Variants in CFAP53 observed in about 807,000 individuals in gnomAD.
CFAP53 encodes cilia- and flagella-associated protein 53.
CFAP53 carries 62 observed loss-of-function variants against 59.7 expected under a neutral mutation model. The observed-to-expected ratio is 1.04, with a 90% CI of 0.85 to 1.28. The LOEUF is 1.28. Ranked by LOEUF, CFAP53 falls within the 50% of genes most tolerant of loss-of-function variation. The probability of loss-of-function intolerance (pLI) is 0.00; values close to 1 mark genes in which losing one functional copy is unlikely to be tolerated. For missense variants in CFAP53, 629 were observed against 615.6 expected (o/e 1.02, Z -0.23); for synonymous variants, 218 against 205.7 (o/e 1.06, Z -0.51).
rs1347473154 is a variant in CFAP53, at chr18:50,250,799, G to A, written c.955C>T (p.Gln319Ter). 3.7e-6 allele frequency: 6 copies of A among 1,614,008 alleles called. No individual in the cohort carries two copies. In the African/African-American group the frequency reaches 8.0e-5, roughly 22 times the overall value. The change falls in exon 5 of 8, where the codon CAA becomes TAA. Residue 319 changes from glutamine (Q) to a stop codon, truncating the protein, a stop_gained. Transcript: ENST00000398545. LOFTEE classifies it high-confidence loss of function. ...LNMKLVQRAL[Q>*]DLQEEADKKK... ...TTATCTGCCTCTTCCTGTAAGTCTT[G>A]AAGGGCCCTTTGCACGAGCTTCATG... is the stretch of plus-strand genomic sequence containing the variant.
rs2033641968 is a variant in CFAP53 at position 50,237,189 on chromosome 18, C to T, written c.1316+1414G>A. 2.1e-5 allele frequency among the ~76,000 whole-genome samples: 3 copies of T among 145,214 alleles called. No homozygotes were observed. In the South Asian group the frequency reaches 6.8e-4, roughly 33 times the overall value. ...GGCATGGTGGTGCATGCCTGTAATCCTAGGTATTTGAGTGGCTGAGGCAGA... is the reference window on the plus strand; with the variant it reads ...GGCATGGTGGTGCATGCCTGTAATCTTAGGTATTTGAGTGGCTGAGGCAGA... On this transcript the variant is annotated intron_variant, in intron 7 of 7. Transcript: ENST00000398545.
chr18:50,266,219 G>GGGTGT (rs2033969834), intron 1 of CFAP53, 117 bp downstream of exon 1: 1 of 908,540 alleles, frequency 1.1e-6, no homozygotes, highest in Non-Finnish European at 1.8e-6. Context: ...ACTGCATCAG[G>GGGTGT]CGACACCCGT....
At position 50,251,576 on chromosome 18, in the gene CFAP53, CCAT is replaced by C; in HGVS notation, c.679_681del (p.Met227del). On this transcript the variant is annotated inframe_deletion, in exon 4 of 8. Transcript: ENST00000398545. Reference sequence around the variant, plus strand: ...GCATTCAGCCCCAGGCGTGTGTTCTCCATCAGCTCTTTCTGTCTCCTCGCCTCT... The same window carrying C: ...GCATTCAGCCCCAGGCGTGTGTTCTCCAGCTCTTTCTGTCTCCTCGCCTCT... The C allele has an allele frequency of 6.2e-7, 1 of 1,614,242 alleles. No homozygotes were observed. The highest frequency in any genetic ancestry group is 1.1e-5 in the South Asian group (1 of 91,090).
chr18:50,242,464 A>G (rs1350951645), intron 6 of CFAP53, among the ~76,000 whole-genome samples: 1 of 152,238 alleles, frequency 6.6e-6, no homozygotes, highest in Non-Finnish European at 1.5e-5. Context: ...GAAGTGATAA[A>G]TGTCCATGAA....
At chr18:50,233,834 G>A (rs2033605397) in intron 7 of CFAP53, among the ~76,000 whole-genome samples, 1 of 152,194 alleles carries the variant, frequency 6.6e-6, no homozygotes, top group African/African-American at 2.4e-5. Flanking sequence ...TTACTAACAA[G>A]CCTGATACTC....
intron 5 of CFAP53, among the ~76,000 whole-genome samples, chr18:50,245,335 T>C (rs923732791): frequency 1.8e-4 from 26 of 145,138 alleles, no homozygotes; most frequent in African/African-American, 5.4e-4. Flanking sequence ...TGAGCCGAGA[T>C]TGCACCACTG....
At chr18:50,257,680 A>G (rs2033857818) in intron 3 of CFAP53, among the ~76,000 whole-genome samples, 2 of 152,334 alleles carry the variant, frequency 1.3e-5, no homozygotes, top group African/African-American at 2.4e-5. Context: ...AAACTTCTAT[A>G]CTACCCAAAG....
rs375467775 is a variant in CFAP53, at chr18:50,242,687, C to A, written c.1213+213G>T. On this transcript the variant is annotated intron_variant, in intron 6 of 7. Coordinates refer to ENST00000398545, the MANE Select transcript of CFAP53 (RefSeq NM_145020.5). ...TCAAATGATGTACTGTTCCTTTAAC[C>A]TTGAGAACTTCTCCCCGTGACTGAT... is the stretch of plus-strand genomic sequence containing the variant. Among the ~76,000 whole-genome samples, 14 of 152,262 alleles carry A rather than the reference C, an allele frequency of 9.2e-5. No individual in the cohort carries two copies. In the South Asian group the frequency reaches 1.2e-3, roughly 14 times the overall value.
chr18:50,249,527 T>C (rs933481557), intron 5 of CFAP53, among the ~76,000 whole-genome samples: 3 of 148,658 alleles, frequency 2.0e-5, no homozygotes, highest in Non-Finnish European at 4.5e-5. Flanking sequence ...AAAAAAAAAA[T>C]TAAAAAAAAA....
intron 7 of CFAP53, 105 bp from the exon 8 acceptor site, chr18:50,227,714 C>T: frequency 2.2e-6 from 2 of 890,060 alleles, no homozygotes; most frequent in Non-Finnish European, 3.5e-6. Flanking sequence ...ATTAAATTCC[C>T]ATTAAAATCA....
At chr18:50,241,857 C>T (rs901889383) in intron 6 of CFAP53, among the ~76,000 whole-genome samples, 7 of 152,082 alleles carry the variant, frequency 4.6e-5, no homozygotes, top group Non-Finnish European at 5.9e-5. Context: ...AAACAGGGTT[C>T]GAGAGCAGAG....
rs753096348 is a variant in CFAP53, at chr18:50,251,765, G to C, written c.493C>G (p.Arg165Gly). 9.3e-6 allele frequency: 15 copies of C among 1,613,766 alleles called. No homozygotes were observed. The highest frequency in any genetic ancestry group is 1.7e-5 in the Admixed American group (1 of 59,988). The change falls in exon 4 of 8, where the codon CGT becomes GGT. Residue 165 changes from arginine (R) to glycine (G), a missense_variant. Transcript: ENST00000398545. ...QQFRERCEEL[R>G]VELLSIHQKK... ...TGATGGATAGATAACAATTCAACAC[G>C]GAGCTCCTCACAGCGTTCCCTGAAA...
intron 5 of CFAP53, among the ~76,000 whole-genome samples, chr18:50,244,023 A>C (rs1332129472): frequency 3.3e-5 from 5 of 151,996 alleles, no homozygotes; most frequent in Non-Finnish European, 7.4e-5. Context: ...ATTAATGGAT[A>C]CCTTTTACGT....
rs779359675 is a variant in CFAP53 at position 50,266,361 on chromosome 18, C to A, written c.44G>T (p.Gly15Val). The A allele has an allele frequency of 1.2e-6, 2 of 1,614,242 alleles. No homozygotes were observed. The highest frequency in any genetic ancestry group is 2.2e-5 in the East Asian group (1 of 44,888). ...RFGTVQREVK[G>V]PTPKVVIVRS... ...CACGATCACCACTTTGGGGGTGGGG[C>A]CCTTAACCTCCCGCTGTACGGTGCC... The change falls in exon 1 of 8, where the codon GGC becomes GTC. Residue 15 changes from glycine to valine, a missense_variant. Gly to Val is a moderately radical substitution (Grantham distance 109). Coordinates refer to ENST00000398545, the MANE Select transcript of CFAP53 (RefSeq NM_145020.5).
chr18:50,254,450 A>C (rs2033829198), intron 3 of CFAP53, among the ~76,000 whole-genome samples: 1 of 152,226 alleles, frequency 6.6e-6, no homozygotes, highest in Non-Finnish European at 1.5e-5. Context: ...ACAGCTAAAA[A>C]TAAAAACAAA....
At position 50,251,592 on chromosome 18, in the gene CFAP53, T is replaced by C; in HGVS notation, c.666A>G (p.Arg222=). The change falls in exon 4 of 8, where the codon AGA becomes AGG. Residue 222 remains arginine, a synonymous_variant. Coordinates refer to ENST00000398545, the MANE Select transcript of CFAP53 (RefSeq NM_145020.5). ...KEKREAQEAR[R]QKELMENTRL... The stretch of plus-strand genomic sequence containing the variant: ...GTGTGTTCTCCATCAGCTCTTTCTG[T>C]CTCCTCGCCTCTTGGGCTTCTCGCT... 1 of 1,614,210 alleles carries C rather than the reference T, an allele frequency of 6.2e-7. No individual in the cohort carries two copies. The highest frequency in any genetic ancestry group is 8.5e-7 in the Non-Finnish European group (1 of 1,180,032).
At chr18:50,242,818 G>T (rs1053019449) in intron 6 of CFAP53, 82 bp downstream of exon 6, 18 of 1,120,406 alleles carry the variant, frequency 1.6e-5, no homozygotes, top group Admixed American at 3.5e-5. Context: ...TACATAATAA[G>T]TATTATGGTT....
At chr18:50,238,851 A>T (rs879537494) in intron 6 of CFAP53, 146 bp from the exon 7 acceptor site, 1 of 559,430 alleles carries the variant, frequency 1.8e-6, no homozygotes, top group Non-Finnish European at 3.1e-6. Context: ...AGAAGTACAC[A>T]TCTCAATTGA....
chr18:50,249,029 G>T (rs8094887), intron 5 of CFAP53, among the ~76,000 whole-genome samples: 2 of 150,866 alleles, frequency 1.3e-5, no homozygotes, highest in Non-Finnish European at 3.0e-5. Flanking sequence ...GTGGCGAAAC[G>T]CTGTCTCTAC....
Sources: gnomAD v4.1 joint callset for allele counts (sites outside exome capture counted in the v4.1 genomes callset) on GRCh38, gnomAD v4.1.1 for gene constraint, MANE v1.5 for transcripts, NCBI Gene and HGNC (gene_info 2026-07-23, HGNC 2026-07-21) for gene names.